The following WNT1 variants were observed in gnomAD, a reference collection of about 807,000 sequenced individuals.
WNT1 encodes Wnt family member 1.
Under a neutral mutation model 21.3 loss-of-function variants are expected in WNT1, and 10 were observed. The ratio of observed to expected loss-of-function variants is 0.47; its 90% CI spans 0.29 to 0.80. WNT1 has a LOEUF of 0.80. WNT1 is among the 30% of genes least tolerant of loss of function. The pLI is 0.09. For synonymous variants in WNT1, 208 were observed against 236.3 expected (o/e 0.88, Z 1.10); for missense variants, 476 against 534.1 (o/e 0.89, Z 1.07).
Position 48,981,061 on chromosome 12 carries a change from C to T in WNT1, c.625-91C>T. 1 of 1,536,642 alleles carries T rather than the reference C, an allele frequency of 6.5e-7. No individual in the cohort carries two copies. The highest frequency in any genetic ancestry group is 2.4e-5 in the East Asian group (1 of 41,862). ...CTAGGCCTGGGCCTTTGCTGAGGTC[C>T]GGCCCCCGTGGCGTCCGGGAGAGGG... On this transcript the variant is annotated intron_variant, in intron 3 of 3. Coordinates refer to ENST00000293549, the MANE Select transcript of WNT1 (RefSeq NM_005430.4). This position sits in a 1 kb window ranked among gnomAD's most constrained non-coding sequence, Gnocchi z 7.4.
Position 48,981,099 on chromosome 12 carries a change from G to T in WNT1, c.625-53G>T, listed in dbSNP as rs1385117814. 1.3e-6 allele frequency: 2 copies of T among 1,594,674 alleles called. No homozygotes were observed. The highest frequency in any genetic ancestry group is 1.1e-5 in the South Asian group (1 of 88,198). ...GTCCGGGAGAGGGCAGTGTCTGGGA[G>T]GGTGACTCTGGCCCGGTGCCCTGGG... On this transcript the variant is annotated intron_variant, in intron 3 of 3. Transcript: ENST00000293549. The surrounding 1 kb of genome is among the most constrained non-coding windows in gnomAD (Gnocchi z 7.4).
Position 48,978,877 on chromosome 12 carries a change from C to T in WNT1, c.104+123C>T. The T allele has an allele frequency of 3.0e-6, 2 of 676,016 alleles. No individual in the cohort carries two copies. Among genetic ancestry groups the T allele is most frequent in the Non-Finnish European group, 4.9e-6 (2 of 409,546 alleles). The allele number at this position is 676,016 out of a possible 1,614,324, so 41.9% of individuals were successfully genotyped here. On this transcript the variant is annotated intron_variant, in intron 1 of 3. Transcript: ENST00000293549. The surrounding 1 kb of genome is among the most constrained non-coding windows in gnomAD (Gnocchi z 7.4). ...GCTCCCTCCCCGCTCTGACTTCCCT[C>T]CGCGACACCGAAGGGCGATCTGGCA... is the stretch of plus-strand genomic sequence containing the variant.
At position 48,982,378 on chromosome 12, in the gene WNT1, T is replaced by A. The variant is rs1375788664; in HGVS notation, c.*738T>A. Among the ~76,000 whole-genome samples the A allele has an allele frequency of 6.6e-6, 1 of 152,182 alleles. No individual in the cohort carries two copies. Among genetic ancestry groups the A allele is most frequent in the African/African-American group, 2.4e-5 (1 of 41,440 alleles). ...CGAGTTTGGATGTTGTAAATAAAAC[T>A]ATTTATTGTGCTGGGTCCCAGCCTG... On this transcript the variant is annotated 3_prime_UTR_variant, in exon 4 of 4. Transcript: ENST00000293549.
rs1397091696 is a variant in WNT1, at chr12:48,978,327, G to A, written c.-324G>A. 5.2e-5 allele frequency: 19 copies of A among 362,578 alleles called. No individual in the cohort carries two copies. Among genetic ancestry groups the A allele is most frequent in the Non-Finnish European group, 8.1e-5 (16 of 197,138 alleles). The allele number at this position is 362,578 out of a possible 1,614,324, so 22.5% of individuals were successfully genotyped here. On this transcript the variant is annotated 5_prime_UTR_variant, in exon 1 of 4. Coordinates refer to ENST00000293549, the MANE Select transcript of WNT1 (RefSeq NM_005430.4). The surrounding 1 kb of genome is among the most constrained non-coding windows in gnomAD (Gnocchi z 7.4). The stretch of plus-strand genomic sequence containing the variant: ...AACCCGTCAGCTCTCGGCTCAGACG[G>A]GCGGGAACCACAGCCCCGCTCGCTG...
rs766341301 is a variant in WNT1 at position 48,981,231 on chromosome 12, G to A, written c.704G>A (p.Arg235Gln). The stretch of plus-strand genomic sequence containing the variant: ...TGCACGGTGCGCACGTGCTGGATGC[G>A]GCTGCCCACGCTGCGCGCCGTGGGC... The part of the protein sequence containing the change: ...GSCTVRTCWM[R>Q]LPTLRAVGDV... The change falls in exon 4 of 4, where the codon CGG becomes CAG. Residue 235 changes from arginine (R) to glutamine (Q), a missense_variant. Arg to Gln is a conservative substitution (Grantham distance 43). Coordinates refer to ENST00000293549, the MANE Select transcript of WNT1 (RefSeq NM_005430.4). The surrounding 1 kb of genome is among the most constrained non-coding windows in gnomAD (Gnocchi z 7.4). 6.2e-7 allele frequency: 1 copy of A among 1,610,454 alleles called. No homozygotes were observed. Among genetic ancestry groups the A allele is most frequent in the South Asian group, 1.1e-5 (1 of 90,962 alleles).
Position 48,980,719 on chromosome 12 carries a change from C to T in WNT1, c.624+30C>T. 4 of 1,509,034 alleles carry T rather than the reference C, an allele frequency of 2.7e-6. No individual in the cohort carries two copies. Among genetic ancestry groups the T allele is most frequent in the Non-Finnish European group, 3.5e-6 (4 of 1,130,252 alleles). 93.5% of individuals were successfully genotyped at this position (1,509,034 alleles called of 1,614,324 possible). On this transcript the variant is annotated intron_variant, in intron 3 of 3. Coordinates refer to ENST00000293549, the MANE Select transcript of WNT1 (RefSeq NM_005430.4). The surrounding 1 kb of genome is among the most constrained non-coding windows in gnomAD (Gnocchi z 7.0). ...GCTTTGAGAGGCTCCGCACCCTAAG[C>T]GGAGCGGCAGGGGCCAACCTCGGGC...
In WNT1 at chr12:48,981,406, G is replaced by T. The variant is rs1941012488; in HGVS notation, c.879G>T (p.Glu293Asp). The change falls in exon 4 of 4, where the codon GAG (glutamate) becomes GAT (aspartate). Residue 293 changes from glutamate (E) to aspartate (D), a missense_variant. By Grantham distance (45) the Glu-to-Asp change is conservative. Coordinates refer to ENST00000293549, the MANE Select transcript of WNT1 (RefSeq NM_005430.4). This position sits in a 1 kb window ranked among gnomAD's most constrained non-coding sequence, Gnocchi z 7.4. Reference protein sequence around the residue: ...PPSPHDLVYFEKSPNFCTYSG... With the variant: ...PPSPHDLVYFDKSPNFCTYSG... ...CCCCCCACGACCTCGTCTACTTCGA[G>T]AAATCGCCCAACTTCTGCACGTACA... 1 of 1,581,212 alleles carries T rather than the reference G, an allele frequency of 6.3e-7. No homozygotes were observed. The highest frequency in any genetic ancestry group is 8.6e-7 in the Non-Finnish European group (1 of 1,163,124).
In WNT1 at chr12:48,979,519, T is replaced by G. The variant is rs1413844535; in HGVS notation, c.156T>G (p.Ser52Arg). The G allele has an allele frequency of 3.7e-6, 6 of 1,613,572 alleles. No homozygotes were observed. The highest frequency in any genetic ancestry group is 5.1e-6 in the Non-Finnish European group (6 of 1,179,960). ...CGAACCTGCTTACAGACTCCAAGAG[T>G]CTGCAACTGGTACTCGAGCCCAGTC... ...SSTNLLTDSK[S>R]LQLVLEPSLQ... Residue 52 changes from serine to arginine, a missense_variant, in exon 2 of 4, where the codon AGT becomes AGG. Coordinates refer to ENST00000293549, the MANE Select transcript of WNT1 (RefSeq NM_005430.4). The surrounding 1 kb of genome is among the most constrained non-coding windows in gnomAD (Gnocchi z 6.0).
Position 48,979,775 on chromosome 12 carries a change from C to G in WNT1, c.358+54C>G. The G allele has an allele frequency of 6.6e-7, 1 of 1,520,366 alleles. No individual in the cohort carries two copies. 94.2% of individuals were successfully genotyped at this position (1,520,366 alleles called of 1,614,324 possible). The stretch of plus-strand genomic sequence containing the variant: ...GGAGCAGGGGAAACGCGGGGTCACC[C>G]CCAGGGCATGGGCGGGCGAGTTCAG... On this transcript the variant is annotated intron_variant, in intron 2 of 3. Coordinates refer to ENST00000293549, the MANE Select transcript of WNT1 (RefSeq NM_005430.4). The surrounding 1 kb of genome is among the most constrained non-coding windows in gnomAD (Gnocchi z 6.0).
chr12:48,978,397 C>A lies in WNT1; in HGVS notation c.-254C>A. The A allele has an allele frequency of 3.7e-6, 2 of 539,468 alleles. No individual in the cohort carries two copies. Among genetic ancestry groups the A allele is most frequent in the Non-Finnish European group, 3.3e-6 (1 of 303,548 alleles). The allele number at this position is 539,468 out of a possible 1,614,324, so 33.4% of individuals were successfully genotyped here. Reference sequence around the variant, plus strand: ...ACCGGTGCGCCCTGGTGCCACAGTGCGGCCCGGAGGGGCAGCCTCCTCCCG... The same window carrying A: ...ACCGGTGCGCCCTGGTGCCACAGTGAGGCCCGGAGGGGCAGCCTCCTCCCG... On this transcript the variant is annotated 5_prime_UTR_variant, in exon 1 of 4. Transcript: ENST00000293549. This position sits in a 1 kb window ranked among gnomAD's most constrained non-coding sequence, Gnocchi z 7.4.
At position 48,980,724 on chromosome 12, in the gene WNT1, C is replaced by T; in HGVS notation, c.624+35C>T. On this transcript the variant is annotated intron_variant, in intron 3 of 3. Coordinates refer to ENST00000293549, the MANE Select transcript of WNT1 (RefSeq NM_005430.4). The surrounding 1 kb of genome is among the most constrained non-coding windows in gnomAD (Gnocchi z 7.0). Reference sequence around the variant, plus strand: ...GAGAGGCTCCGCACCCTAAGCGGAGCGGCAGGGGCCAACCTCGGGCTGGGG... The same window carrying T: ...GAGAGGCTCCGCACCCTAAGCGGAGTGGCAGGGGCCAACCTCGGGCTGGGG... 1 of 1,501,710 alleles carries T rather than the reference C, an allele frequency of 6.7e-7. No individual in the cohort carries two copies. Among genetic ancestry groups the T allele is most frequent in the Non-Finnish European group, 8.9e-7 (1 of 1,126,920 alleles). The allele number at this position is 1,501,710 out of a possible 1,614,324, so 93.0% of individuals were successfully genotyped here. A position where few individuals can be genotyped will look rare whatever the true frequency, so the allele number is the denominator to read the frequency against.
In WNT1 at chr12:48,980,456, A is replaced by G; in HGVS notation, c.391A>G (p.Thr131Ala). The change falls in exon 3 of 4, where the codon ACC becomes GCC. Residue 131 changes from threonine to alanine, a missense_variant. Physicochemically the swap from Thr to Ala is moderately conservative, Grantham distance 58. Transcript: ENST00000293549. This position sits in a 1 kb window ranked among gnomAD's most constrained non-coding sequence, Gnocchi z 7.0. ...AGAAACGGCGTTTATCTTCGCTATC[A>G]CCTCCGCCGGGGTCACCCATTCGGT... ...CRETAFIFAI[T>A]SAGVTHSVAR... is the part of the protein sequence containing the mutation. 6.2e-7 allele frequency: 1 copy of G among 1,613,834 alleles called. No homozygotes were observed. Among genetic ancestry groups the G allele is most frequent in the Non-Finnish European group, 8.5e-7 (1 of 1,179,948 alleles).
At position 48,979,612 on chromosome 12, in the gene WNT1, T is replaced by TG. The variant is rs778294620; in HGVS notation, c.255dup (p.Leu86AlafsTer69). The TG allele has an allele frequency of 1.2e-6, 2 of 1,613,810 alleles. No individual in the cohort carries two copies. The highest frequency in any genetic ancestry group is 8.5e-7 in the Non-Finnish European group (1 of 1,179,964). On this transcript the variant is annotated frameshift_variant, in exon 2 of 4. Coordinates refer to ENST00000293549, the MANE Select transcript of WNT1 (RefSeq NM_005430.4). LOFTEE classifies it high-confidence loss of function. This position sits in a 1 kb window ranked among gnomAD's most constrained non-coding sequence, Gnocchi z 6.0. ...ATCCGGGGATCCTGCACAGCGTGAG[T>TG]GGGGGGCTGCAGAGTGCCGTGCGCG...
Position 48,979,055 on chromosome 12 carries a change from G to T in WNT1, c.104+301G>T, listed in dbSNP as rs1228518541. Among the ~76,000 whole-genome samples the T allele has an allele frequency of 6.6e-6, 1 of 152,216 alleles. No homozygotes were observed. The highest frequency in any genetic ancestry group is 1.9e-4 in the East Asian group (1 of 5,198). On this transcript the variant is annotated intron_variant, in intron 1 of 3. Transcript: ENST00000293549. This position sits in a 1 kb window ranked among gnomAD's most constrained non-coding sequence, Gnocchi z 6.0. Reference sequence around the variant, plus strand: ...GCCTCACGGCGGTGGCTCACCACAGGTTTCCCCACCTCGGGAAGTGAAGGG... The same window carrying T: ...GCCTCACGGCGGTGGCTCACCACAGTTTTCCCCACCTCGGGAAGTGAAGGG...
At position 48,980,837 on chromosome 12, in the gene WNT1, G is replaced by A; in HGVS notation, c.624+148G>A. ...GCTTGGAACGAAGACGGAGAATAGA[G>A]GAGACAGTGGCTGAGGGCAAAGGTA... is the stretch of plus-strand genomic sequence containing the variant. On this transcript the variant is annotated intron_variant, in intron 3 of 3. Transcript: ENST00000293549. This position sits in a 1 kb window ranked among gnomAD's most constrained non-coding sequence, Gnocchi z 7.0. 7.3e-7 allele frequency: 1 copy of A among 1,367,876 alleles called. No individual in the cohort carries two copies. Among genetic ancestry groups the A allele is most frequent in the East Asian group, 2.5e-5 (1 of 39,346 alleles). 84.7% of individuals were successfully genotyped at this position (1,367,876 alleles called of 1,614,324 possible).
At position 48,980,614 on chromosome 12, in the gene WNT1, G is replaced by T. The variant is rs777706995; in HGVS notation, c.549G>T (p.Glu183Asp). 10 of 1,604,252 alleles carry T rather than the reference G, an allele frequency of 6.2e-6. No homozygotes were observed. The highest frequency in any genetic ancestry group is 5.6e-5 in the South Asian group (5 of 90,076). ...NIDFGRLFGREFVDSGEKGRD... is the reference protein window; with the variant it reads ...NIDFGRLFGRDFVDSGEKGRD... Reference sequence around the variant, plus strand: ...ACTTCGGCCGCCTCTTCGGCCGGGAGTTCGTGGACTCCGGGGAGAAGGGGC... The same window carrying T: ...ACTTCGGCCGCCTCTTCGGCCGGGATTTCGTGGACTCCGGGGAGAAGGGGC... The change falls in exon 3 of 4, where the codon GAG (glutamate) becomes GAT (aspartate). Residue 183 changes from glutamate to aspartate, a missense_variant. Glu to Asp is a conservative substitution (Grantham distance 45, BLOSUM62 2). Transcript: ENST00000293549. The surrounding 1 kb of genome is among the most constrained non-coding windows in gnomAD (Gnocchi z 7.0).
rs1001483697 is a variant in WNT1, at chr12:48,978,380, G to T, written c.-271G>T. 5.8e-5 allele frequency: 30 copies of T among 515,128 alleles called. No individual in the cohort carries two copies. The highest frequency in any genetic ancestry group is 9.3e-5 in the Non-Finnish European group (27 of 289,156). The allele number at this position is 515,128 out of a possible 1,614,324, so 31.9% of individuals were successfully genotyped here. On this transcript the variant is annotated 5_prime_UTR_variant, in exon 1 of 4. Transcript: ENST00000293549. This position sits in a 1 kb window ranked among gnomAD's most constrained non-coding sequence, Gnocchi z 7.4. ...CATTGTCTGCGCCCCTAACCGGTGC[G>T]CCCTGGTGCCACAGTGCGGCCCGGA... is the stretch of plus-strand genomic sequence containing the variant.
In WNT1 at chr12:48,980,901, A is replaced by C. The variant is rs1444008394; in HGVS notation, c.624+212A>C. On this transcript the variant is annotated intron_variant, in intron 3 of 3. Coordinates refer to ENST00000293549, the MANE Select transcript of WNT1 (RefSeq NM_005430.4). This position sits in a 1 kb window ranked among gnomAD's most constrained non-coding sequence, Gnocchi z 7.0. ...GACAGGTAGAAGAGGTTGCAAATCA[A>C]GCACAGTCTCTTCGCTGTACAGATT... Among the ~76,000 whole-genome samples the C allele has an allele frequency of 6.6e-6, 1 of 152,230 alleles. No individual in the cohort carries two copies. The highest frequency in any genetic ancestry group is 2.4e-5 in the African/African-American group (1 of 41,462).
In WNT1 at chr12:48,981,666, A is replaced by G. The variant is rs1192354480; in HGVS notation, c.*26A>G. ...GGCGCTGCGCGGACTCGCCCCCAGG[A>G]ACGCTCTCCTCGAGCCCTCCCCCAA... On this transcript the variant is annotated 3_prime_UTR_variant, in exon 4 of 4. Coordinates refer to ENST00000293549, the MANE Select transcript of WNT1 (RefSeq NM_005430.4). This position sits in a 1 kb window ranked among gnomAD's most constrained non-coding sequence, Gnocchi z 7.4. 7.0e-7 allele frequency: 1 copy of G among 1,426,258 alleles called. No homozygotes were observed. Among genetic ancestry groups the G allele is most frequent in the Admixed American group, 2.8e-5 (1 of 35,266 alleles). The allele number at this position is 1,426,258 out of a possible 1,614,324, so 88.4% of individuals were successfully genotyped here.
Sources: allele counts gnomAD v4.1 joint callset (sites outside exome capture counted in the v4.1 genomes callset), GRCh38; gene constraint gnomAD v4.1.1; non-coding constraint Gnocchi (gnomAD v3.1); transcripts MANE v1.5; gene names NCBI Gene and HGNC (gene_info 2026-07-23, HGNC 2026-07-21).